The following WBP1L variants were observed in gnomAD, a reference collection of about 807,000 sequenced individuals.
WBP1L encodes WW domain binding protein 1-like.
A neutral mutation model predicts 33.7 loss-of-function variants in WBP1L; 17 were observed. That is an observed-to-expected ratio of 0.50 (90% CI 0.34 to 0.76). The LOEUF (loss-of-function observed/expected upper bound fraction) is 0.76, where lower values mean the gene tolerates loss of function less well. Ranked by LOEUF, WBP1L falls within the 30% of genes least tolerant of loss-of-function variation. The pLI, the probability that WBP1L is intolerant of heterozygous loss-of-function variation, is 0.01. For synonymous variants in WBP1L, 173 were observed against 190.8 expected, an observed-to-expected ratio of 0.91 and a Z score of 0.77; for missense variants, 389 against 469.4, an observed-to-expected ratio of 0.83 and a Z score of 1.58.
At chr10:102,753,554 G>T (rs1250661250) in intron 1 of WBP1L, among the ~76,000 whole-genome samples, 3 of 152,168 alleles carry the variant, frequency 2.0e-5, no homozygotes, top group Non-Finnish European at 2.9e-5. Context: ...CGTCTTGCAT[G>T]GTCTGGGTTT....
intron 1 of WBP1L, among the ~76,000 whole-genome samples, chr10:102,774,234 C>T (rs1159833340): frequency 6.6e-6 from 1 of 152,056 alleles, no homozygotes; most frequent in Non-Finnish European, 1.5e-5. Context: ...CATTGCTGTT[C>T]CCTGGGCGGC....
intron 1 of WBP1L, among the ~76,000 whole-genome samples, chr10:102,764,410 G>C (rs1485072781): frequency 6.6e-6 from 1 of 152,146 alleles, no homozygotes; most frequent in Admixed American, 6.5e-5. Flanking sequence ...TTGGTCCAGT[G>C]CTTTCCTCAT....
chr10:102,743,959 A>AAAGAAGGG lies in WBP1L; in HGVS notation c.-87_-80dup, dbSNP rs1842827616. 2.0e-6 allele frequency: 2 copies of AAAGAAGGG among 1,010,086 alleles called. No individual in the cohort carries two copies. Among genetic ancestry groups the AAAGAAGGG allele is most frequent in the Admixed American group, 5.2e-5 (2 of 38,180 alleles). 62.6% of individuals were successfully genotyped at this position (1,010,086 alleles called of 1,614,324 possible). On this transcript the variant is annotated 5_prime_UTR_variant, in exon 1 of 4. Coordinates refer to ENST00000448841, the MANE Select transcript of WBP1L (RefSeq NM_001083913.2). ...AGCGGGAGGGGAGCGTCAAACAGGA[A>AAAGAAGGG]AAGAAGGGAAGAAGGAAGAAGAGGG...
intron 1 of WBP1L, among the ~76,000 whole-genome samples, chr10:102,779,349 G>A (rs1843307241): frequency 6.6e-6 from 1 of 151,444 alleles, no homozygotes; most frequent in African/African-American, 2.4e-5. Flanking sequence ...CCAGGCTGGA[G>A]TGCAATGGTG....
intron 2 of WBP1L, chr10:102,803,810 G>C (rs1379669626): frequency 6.6e-6 from 1 of 151,988 alleles, no homozygotes; most frequent in African/African-American, 2.4e-5. Flanking sequence ...AGGTTTCACT[G>C]TGTTAGCTAG....
intron 1 of WBP1L, among the ~76,000 whole-genome samples, chr10:102,783,304 A>G (rs113714647): frequency 4.6e-5 from 7 of 152,236 alleles, no homozygotes; most frequent in Admixed American, 6.5e-5. Context: ...TGTGAAAATC[A>G]CACCCCCACA....
intron 2 of WBP1L, among the ~76,000 whole-genome samples, chr10:102,804,387 C>G (rs77605024): frequency 1.3e-5 from 1 of 74,572 alleles, no homozygotes; most frequent in Non-Finnish European, 2.5e-5. Context: ...GACCCTGTCT[C>G]AAAAAAAAAA....
Position 102,760,688 on chromosome 10 carries a change from T to G in WBP1L, c.90+16545T>G, listed in dbSNP as rs557688513. On this transcript the variant is annotated intron_variant, in intron 1 of 3. Transcript: ENST00000448841. Reference sequence around the variant, plus strand: ...CCGTGCCTGGCCGAGTCTTCCTTATTTCCATCAGCATTGCCCAGAGACTGC... The same window carrying G: ...CCGTGCCTGGCCGAGTCTTCCTTATGTCCATCAGCATTGCCCAGAGACTGC... Among the ~76,000 whole-genome samples, 6 of 152,166 alleles carry G rather than the reference T, an allele frequency of 3.9e-5. No homozygotes were observed. In the East Asian group the frequency reaches 1.2e-3, roughly 29 times the overall value.
chr10:102,791,119 C>CTCA (rs1167924878), intron 1 of WBP1L, among the ~76,000 whole-genome samples: 13 of 152,148 alleles, frequency 8.5e-5, no homozygotes, highest in African/African-American at 2.9e-4. Flanking sequence ...TGTACTGGTT[C>CTCA]TCAGTTCCAA....
intron 2 of WBP1L, among the ~76,000 whole-genome samples, chr10:102,800,342 G>T (rs1843638625): frequency 6.6e-6 from 1 of 152,174 alleles, no homozygotes; most frequent in African/African-American, 2.4e-5. Context: ...AGAGCCTCCT[G>T]GGCTTTTGGC....
intron 1 of WBP1L, among the ~76,000 whole-genome samples, chr10:102,779,670 G>A (rs554914843): frequency 6.7e-6 from 1 of 148,294 alleles, no homozygotes; most frequent in Admixed American, 6.8e-5. Context: ...AGTTCCCCAG[G>A]TGTTTCTGAT....
At chr10:102,809,353 C>G (rs1247132267) in intron 2 of WBP1L, among the ~76,000 whole-genome samples, 1 of 151,606 alleles carries the variant, frequency 6.6e-6, no homozygotes, top group African/African-American at 2.4e-5. Context: ...GCTGGGATTA[C>G]AGGCATGAGC....
At chr10:102,810,144 T>G (rs557561421) in intron 3 of WBP1L, 90 bp downstream of exon 3, 2 of 1,504,078 alleles carry the variant, frequency 1.3e-6, no homozygotes, top group South Asian at 2.5e-5. Context: ...CAGGCTCCTG[T>G]AGGCATAGGG....
rs1355800693 is a variant in WBP1L at position 102,815,490 on chromosome 10, C to T, written c.*2159C>T. ...AATGACAGGCTTGGACTAGCTGTGG[C>T]CCAGACATCGGCCCTGCCCAGAATT... On this transcript the variant is annotated 3_prime_UTR_variant, in exon 4 of 4. Transcript: ENST00000448841. 6.6e-6 allele frequency: 1 copy of T among 152,296 alleles called. No individual in the cohort carries two copies. The allele number at this position is 152,296 out of a possible 1,614,324, so 9.4% of individuals were successfully genotyped here.
chr10:102,767,047 A>G (rs1843120758), intron 1 of WBP1L, among the ~76,000 whole-genome samples: 1 of 152,128 alleles, frequency 6.6e-6, no homozygotes, highest in South Asian at 2.1e-4. Context: ...AACTGTTTCC[A>G]GGGTAGGAAA....
At chr10:102,806,796 C>T (rs1843742970) in intron 2 of WBP1L, among the ~76,000 whole-genome samples, 1 of 152,148 alleles carries the variant, frequency 6.6e-6, no homozygotes, top group Non-Finnish European at 1.5e-5. Flanking sequence ...TGTCACTGTC[C>T]TGCCCCACTT....
intron 1 of WBP1L, among the ~76,000 whole-genome samples, chr10:102,757,894 T>TTG (rs1325074559): frequency 9.2e-5 from 9 of 97,304 alleles, no homozygotes; most frequent in African/African-American, 2.8e-4. Flanking sequence ...CCCCTTTTTT[T>TTG]TTTTTTTTTG....
intron 1 of WBP1L, among the ~76,000 whole-genome samples, chr10:102,792,224 G>A (rs6584525): frequency 0.52 from 78,767 of 152,024 alleles, 21,434 homozygotes; most frequent in Middle Eastern, 0.63. Context: ...GGGGCTGAAG[G>A]CACATACCTG....
chr10:102,757,579 T>A (rs1842991664), intron 1 of WBP1L, among the ~76,000 whole-genome samples: 1 of 145,630 alleles, frequency 6.9e-6, no homozygotes, highest in Admixed American at 6.8e-5. Context: ...CTTTTTTTTT[T>A]TTTTTTTTTT....
Sources: gnomAD v4.1 joint callset for allele counts (sites outside exome capture counted in the v4.1 genomes callset) on GRCh38, gnomAD v4.1.1 for gene constraint, MANE v1.5 for transcripts, NCBI Gene and HGNC (gene_info 2026-07-23, HGNC 2026-07-21) for gene names.